The following FGF13 variants were observed in gnomAD, a reference collection of about 807,000 sequenced individuals.
The protein encoded by FGF13 is fibroblast growth factor 13, also known as fibroblast growth factor homologous factor 2.
FGF13 carries 2 observed loss-of-function variants against 19.5 expected under a neutral mutation model. The observed-to-expected ratio is 0.10, with a 90% CI of 0.04 to 0.32. FGF13 has a LOEUF of 0.32. FGF13 is among the 10% of genes least tolerant of loss of function. The pLI is 1.00. For synonymous variants in FGF13, 72 were observed against 76.9 expected, an observed-to-expected ratio of 0.94 and a Z score of 0.33; for missense variants, 113 against 192.7, an observed-to-expected ratio of 0.59 and a Z score of 2.45.
At position 138,711,014 on chromosome X, in the gene FGF13, C is replaced by A. The variant is rs776910056; in HGVS notation, c.-11G>T. Reference sequence around the variant, plus strand: ...GATAGCCGCCGCCATGGCCACGACGCCCACCACCACCGCTTCTTTTGCTGC... The same window carrying A: ...GATAGCCGCCGCCATGGCCACGACGACCACCACCACCGCTTCTTTTGCTGC... On this transcript the variant is annotated 5_prime_UTR_variant, in exon 1 of 5. Coordinates refer to ENST00000315930, the MANE Select transcript of FGF13 (RefSeq NM_004114.5). 6 of 1,206,130 alleles carry A rather than the reference C, an allele frequency of 5.0e-6. No homozygotes were observed. Among genetic ancestry groups the A allele is most frequent in the Non-Finnish European group, 6.7e-6 (6 of 893,460 alleles).
At chrX:138,945,853 TATAG>T (rs1234944669) in intron 1 of FGF13, among the ~76,000 whole-genome samples, 1 of 111,955 alleles carries the variant, frequency 8.9e-6, no homozygotes, top group Non-Finnish European at 1.9e-5. Context: ...AATTAGATGA[TATAG>T]ATAAATTAAC....
intron 1 of FGF13, among the ~76,000 whole-genome samples, chrX:138,869,016 A>G (rs1466188647): frequency 9.0e-6 from 1 of 111,611 alleles, no homozygotes; most frequent in Non-Finnish European, 1.9e-5. Context: ...AGAATGATCA[A>G]TGCCATCATG....
At chrX:138,940,783 GGTCTATGT>G (rs769236162) in intron 1 of FGF13, among the ~76,000 whole-genome samples, 149 of 110,811 alleles carry the variant, frequency 1.3e-3, no homozygotes, top group Admixed American at 2.5e-3. Context: ...CTGTTCCATT[GGTCTATGT>G]GTCTGTTTTT....
At chrX:138,637,440 G>C (rs1246133231) in intron 3 of FGF13, among the ~76,000 whole-genome samples, 6 of 111,998 alleles carry the variant, frequency 5.4e-5, no homozygotes, top group Admixed American at 2.8e-4. Context: ...AAATATATCT[G>C]GTGAAAAATG....
chrX:138,807,796 A>G (rs1414180115), intron 3 of FGF13, among the ~76,000 whole-genome samples: 2 of 111,841 alleles, frequency 1.8e-5, no homozygotes, highest in African/African-American at 6.5e-5. Flanking sequence ...TTGCAATCCT[A>G]GTCTCTGATA....
chrX:138,905,683 G>C (rs1001840110), intron 1 of FGF13, among the ~76,000 whole-genome samples: 2 of 112,334 alleles, frequency 1.8e-5, no homozygotes, highest in African/African-American at 6.5e-5. Context: ...CTAAAAACAT[G>C]ACCAGGAAGC....
At chrX:138,960,088 CGTTA>C (rs1329719361) in intron 1 of FGF13, among the ~76,000 whole-genome samples, 1 of 111,664 alleles carries the variant, frequency 9.0e-6, no homozygotes, top group Non-Finnish European at 1.9e-5. Flanking sequence ...TTATTTTGCT[CGTTA>C]GTTGATGCAG....
At chrX:138,786,702 CA>C (rs2090695480) in intron 3 of FGF13, among the ~76,000 whole-genome samples, 2 of 111,570 alleles carry the variant, frequency 1.8e-5, no homozygotes, top group Non-Finnish European at 3.8e-5. Context: ...GGAAAGGCAA[CA>C]GAAACTTTTT....
intron 1 of FGF13, among the ~76,000 whole-genome samples, chrX:139,156,288 C>T (rs1284396544): frequency 9.0e-6 from 1 of 111,684 alleles, no homozygotes. Flanking sequence ...TCCCCTCTCC[C>T]CTCACATTCT....
intron 1 of FGF13, among the ~76,000 whole-genome samples, chrX:139,166,998 C>A (rs183985253): frequency 1.4e-3 from 158 of 111,780 alleles, no homozygotes; most frequent in African/African-American, 4.6e-3. Context: ...CCAAACTCAT[C>A]GTCCTCTTTT....
In FGF13 at chrX:139,086,964, C is replaced by T. The variant is rs750978269; in HGVS notation, c.-113+116452G>A. 1.9e-3 allele frequency among the ~76,000 whole-genome samples: 219 copies of T among 112,397 alleles called. 1 individual carries two copies. The highest frequency in any genetic ancestry group is 3.6e-3 in the Non-Finnish European group (193 of 53,293). ...TCACGTTGTTATCATAGTCATAGAA[C>T]GTCAGAACTGAAAAACAGCTCAGCC... is the stretch of plus-strand genomic sequence containing the variant. On this transcript the variant is annotated intron_variant, in intron 1 of 2. Coordinates refer to the FGF13 transcript ENST00000421460.
At chrX:139,178,062 A>ATC (rs2084205725) in intron 1 of FGF13, among the ~76,000 whole-genome samples, 1 of 111,614 alleles carries the variant, frequency 9.0e-6, no homozygotes, top group Non-Finnish European at 1.9e-5. Context: ...ACCAGGCCCA[A>ATC]TGAGATGAGC....
At chrX:138,641,835 C>T (rs986237882) in intron 3 of FGF13, among the ~76,000 whole-genome samples, 3 of 111,739 alleles carry the variant, frequency 2.7e-5, no homozygotes, top group Admixed American at 9.6e-5. Context: ...TATTAATTCA[C>T]GATAAACAGA....
intron 1 of FGF13, among the ~76,000 whole-genome samples, chrX:138,889,833 G>A (rs917060340): frequency 3.6e-5 from 4 of 111,543 alleles, no homozygotes; most frequent in South Asian, 3.8e-4. Flanking sequence ...TCGGGCTTTC[G>A]GAGCTCAGAA....
At chrX:139,036,174 T>C (rs1198973704) in intron 1 of FGF13, among the ~76,000 whole-genome samples, 1 of 111,689 alleles carries the variant, frequency 9.0e-6, no homozygotes, top group African/African-American at 3.3e-5. Context: ...ATCACAAATG[T>C]GTTTAAGCCT....
At chrX:138,840,428 T>A (rs2091142794) in intron 3 of FGF13, among the ~76,000 whole-genome samples, 1 of 111,950 alleles carries the variant, frequency 8.9e-6, no homozygotes, top group African/African-American at 3.2e-5. Flanking sequence ...CTAGCAGAAA[T>A]AGGCAAACAT....
intron 1 of FGF13, among the ~76,000 whole-genome samples, chrX:138,910,450 C>T (rs1260646131): frequency 2.7e-5 from 3 of 111,530 alleles, no homozygotes; most frequent in Non-Finnish European, 5.6e-5. Context: ...GAGGCCAAAG[C>T]ATAGGAAGAT....
At chrX:138,911,640 C>G (rs2091588567) in intron 1 of FGF13, among the ~76,000 whole-genome samples, 1 of 111,801 alleles carries the variant, frequency 8.9e-6, no homozygotes, top group Admixed American at 9.5e-5. Context: ...AACAGTCTAT[C>G]TCAAATCTAA....
chrX:138,851,449 G>A (rs888016722), intron 3 of FGF13, among the ~76,000 whole-genome samples: 2 of 111,671 alleles, frequency 1.8e-5, no homozygotes, highest in African/African-American at 6.5e-5. Context: ...GCATGAGATG[G>A]TACCTCATTG....
Sources: gnomAD v4.1 joint callset for allele counts (sites outside exome capture counted in the v4.1 genomes callset) on GRCh38, gnomAD v4.1.1 for gene constraint, MANE v1.5 for transcripts, NCBI Gene and HGNC (gene_info 2026-07-23, HGNC 2026-07-21) for gene names.